INVS: variants seen among roughly 807,000 people sequenced by gnomAD.
INVS encodes inversin.
A neutral mutation model predicts 108.8 loss-of-function variants in INVS; 86 were observed. That is an observed-to-expected ratio of 0.79 (90% CI 0.66 to 0.95). The LOEUF (loss-of-function observed/expected upper bound fraction) is 0.95. Among genes scored for constraint, INVS ranks in the 40% least tolerant of loss-of-function variants. The pLI, the probability that INVS is intolerant of heterozygous loss-of-function variation, is 0.00. For missense variants in INVS, 1,169 were observed against 1,297.4 expected (o/e 0.90, Z 1.52); for synonymous variants, 455 against 473.5 (o/e 0.96, Z 0.51).
At chr9:100,103,642 G>A (rs879420052) in intron 1 of INVS, among the ~76,000 whole-genome samples, 1 of 148,728 alleles carries the variant, frequency 6.7e-6, no homozygotes, top group African/African-American at 2.5e-5. Flanking sequence ...AGACAAGAAG[G>A]GAGGAAAGCA....
At chr9:100,295,691 G>A (rs1833769359) in intron 14 of INVS, among the ~76,000 whole-genome samples, 1 of 152,124 alleles carries the variant, frequency 6.6e-6, no homozygotes, top group South Asian at 2.1e-4. Flanking sequence ...AAAATTGTCA[G>A]TTTAATAACC....
At chr9:100,188,352 A>G (rs890766932) in intron 3 of INVS, among the ~76,000 whole-genome samples, 3 of 152,126 alleles carry the variant, frequency 2.0e-5, no homozygotes, top group African/African-American at 7.2e-5. Context: ...GACGGAACAT[A>G]CCTCAAAATA....
At chr9:100,101,032 T>C (rs1472041363) in intron 1 of INVS, among the ~76,000 whole-genome samples, 3 of 106,562 alleles carry the variant, frequency 2.8e-5, no homozygotes, top group Non-Finnish European at 5.4e-5. Flanking sequence ...ATATTATATA[T>C]ATTATATATG....
intron 2 of INVS, among the ~76,000 whole-genome samples, chr9:100,114,112 G>T (rs565014372): frequency 6.6e-6 from 1 of 152,110 alleles, no homozygotes; most frequent in East Asian, 1.9e-4. Context: ...ATTTATTGAG[G>T]TATATAATAC....
chr9:100,219,274 A>G (rs73491441), intron 3 of INVS, among the ~76,000 whole-genome samples: 29,435 of 151,972 alleles, frequency 0.19, 4,518 homozygotes, highest in African/African-American at 0.43. Context: ...CAGCAAACAT[A>G]TAAAAACATT....
At chr9:100,276,575 CT>C (rs1833120520) in intron 12 of INVS, among the ~76,000 whole-genome samples, 1 of 152,134 alleles carries the variant, frequency 6.6e-6, no homozygotes, top group Non-Finnish European at 1.5e-5. Context: ...GTGGCTCGAT[CT>C]CAGCTCACTG....
chr9:100,170,166 A>G (rs1829491112), intron 3 of INVS, among the ~76,000 whole-genome samples: 1 of 152,214 alleles, frequency 6.6e-6, no homozygotes, highest in Non-Finnish European at 1.5e-5. Flanking sequence ...ATTTGTGATT[A>G]CAGAAATTTC....
intron 13 of INVS, among the ~76,000 whole-genome samples, chr9:100,289,576 C>A (rs1833549250): frequency 6.6e-6 from 1 of 152,228 alleles, no homozygotes; most frequent in Admixed American, 6.5e-5. Context: ...ATAGAATTTG[C>A]ACAAGATGTG....
intron 1 of INVS, among the ~76,000 whole-genome samples, chr9:100,103,577 GACATC>G (rs1262109338): frequency 2.0e-5 from 3 of 151,626 alleles, no homozygotes; most frequent in Non-Finnish European, 4.4e-5. Context: ...GCAATGAGCT[GACATC>G]GCACCACTGC....
chr9:100,292,543 G>A lies in INVS; in HGVS notation c.2286G>A (p.Arg762=). The A allele has an allele frequency of 5.6e-6, 9 of 1,614,114 alleles. No homozygotes were observed. In the South Asian group the frequency reaches 9.9e-5, roughly 18 times the overall value. The change falls in exon 14 of 17, where the codon CGG becomes CGA. Residue 762 remains arginine (R), a synonymous_variant. Transcript: ENST00000262457. The part of the protein sequence containing the change: ...GPDEKGEDSR[R]AAASLPPHDS... ...ATGAGAAAGGAGAGGACTCCAGGCGGGCAGCTGCAAGCCTTCCACCGCACG... is the reference window on the plus strand; with the variant it reads ...ATGAGAAAGGAGAGGACTCCAGGCGAGCAGCTGCAAGCCTTCCACCGCACG...
intron 3 of INVS, among the ~76,000 whole-genome samples, chr9:100,145,983 G>A (rs1160044106): frequency 1.3e-5 from 2 of 152,224 alleles, no homozygotes; most frequent in Non-Finnish European, 2.9e-5. Context: ...TAAAATTGGT[G>A]AGATGTTCCT....
chr9:100,237,539 A>C (rs1012165916), intron 5 of INVS, among the ~76,000 whole-genome samples: 1 of 152,130 alleles, frequency 6.6e-6, no homozygotes, highest in African/African-American at 2.4e-5. Flanking sequence ...CCGTGAAAAA[A>C]GTGTAGTATC....
chr9:100,150,123 G>A (rs1170632087), intron 3 of INVS, among the ~76,000 whole-genome samples: 1 of 152,152 alleles, frequency 6.6e-6, no homozygotes, highest in African/African-American at 2.4e-5. Flanking sequence ...TCAGATTCAG[G>A]ATTTGAACCC....
At chr9:100,148,650 A>C (rs846764) in intron 3 of INVS, among the ~76,000 whole-genome samples, 3 of 152,266 alleles carry the variant, frequency 2.0e-5, no homozygotes, top group Non-Finnish European at 2.9e-5. Context: ...TAGAAGAATT[A>C]GATTTTATGT....
intron 3 of INVS, among the ~76,000 whole-genome samples, chr9:100,210,062 G>A (rs752026099): frequency 2.0e-5 from 3 of 152,150 alleles, no homozygotes; most frequent in Non-Finnish European, 4.4e-5. Context: ...CTCAGGCACT[G>A]TTTTCTCCAA....
chr9:100,254,113 T>A (rs1013334100), intron 10 of INVS, among the ~76,000 whole-genome samples: 1 of 152,172 alleles, frequency 6.6e-6, no homozygotes, highest in African/African-American at 2.4e-5. Context: ...CCATTCTAAC[T>A]GGTATGAGAT....
At chr9:100,115,281 T>C (rs543021300) in intron 2 of INVS, among the ~76,000 whole-genome samples, 1 of 148,904 alleles carries the variant, frequency 6.7e-6, no homozygotes, top group Non-Finnish European at 1.5e-5. Flanking sequence ...AATTTCTCTT[T>C]TTTTATTTTA....
chr9:100,240,341 T>G (rs566396971), intron 6 of INVS, 101 bp downstream of exon 6: 1 of 832,288 alleles, frequency 1.2e-6, no homozygotes, highest in East Asian at 2.5e-5. Flanking sequence ...TAGTTAATTA[T>G]TTTGATTTCT....
chr9:100,124,355 C>G (rs2118888479), intron 2 of INVS, among the ~76,000 whole-genome samples: 1 of 152,010 alleles, frequency 6.6e-6, no homozygotes, highest in Non-Finnish European at 1.5e-5. Context: ...AAAATCACCT[C>G]TACATAAACT....
Sources: allele counts gnomAD v4.1 joint callset (sites outside exome capture counted in the v4.1 genomes callset), GRCh38; gene constraint gnomAD v4.1.1; transcripts MANE v1.5; gene names NCBI Gene and HGNC (gene_info 2026-07-23, HGNC 2026-07-21).